Variants in MSRA observed in about 807,000 individuals in gnomAD.
MSRA encodes the protein mitochondrial peptide methionine sulfoxide reductase.
Under a neutral mutation model 31.3 loss-of-function variants are expected in MSRA, and 54 were observed. The observed-to-expected ratio is 1.73, with a 90% CI of 1.39 to 2.17. MSRA has a LOEUF of 2.17. Among genes scored for constraint, MSRA ranks in the 30% most tolerant of loss-of-function variants. The pLI is 0.00. For synonymous variants in MSRA, 169 were observed against 116.5 expected (o/e 1.45, Z -2.90); for missense variants, 507 against 300.9 (o/e 1.69, Z -5.07).
chr8:10,428,043 C>G, intron 5 of MSRA, 105 bp from the exon 6 acceptor site: 1 of 1,294,234 alleles, frequency 7.7e-7, no homozygotes, highest in Non-Finnish European at 1.0e-6. Context: ...CTGCACATCC[C>G]AAGCCACGCG....
chr8:10,164,029 C>G (rs1469152947), intron 1 of MSRA, among the ~76,000 whole-genome samples: 2 of 152,244 alleles, frequency 1.3e-5, no homozygotes, highest in African/African-American at 4.8e-5. Context: ...CCTGTCTTAT[C>G]TTGTACTTGA....
At chr8:10,058,753 ACTGT>A (rs762274753) in intron 1 of MSRA, among the ~76,000 whole-genome samples, 8 of 152,230 alleles carry the variant, frequency 5.3e-5, no homozygotes, top group Non-Finnish European at 8.8e-5. Flanking sequence ...TACAGTGTGC[ACTGT>A]TAGCAAAATT....
chr8:10,143,707 C>G (rs528102916), intron 1 of MSRA, among the ~76,000 whole-genome samples: 15 of 152,106 alleles, frequency 9.9e-5, no homozygotes, highest in Non-Finnish European at 1.9e-4. Flanking sequence ...GAATTCCAAG[C>G]AAGAGGGCCA....
intron 1 of MSRA, among the ~76,000 whole-genome samples, chr8:10,097,639 T>G (rs1799266148): frequency 6.6e-6 from 1 of 152,194 alleles, no homozygotes; most frequent in Non-Finnish European, 1.5e-5. Flanking sequence ...TATAACTTAT[T>G]TAATTTTTAA....
chr8:10,315,611 A>G (rs541865519), intron 4 of MSRA, among the ~76,000 whole-genome samples: 15 of 152,318 alleles, frequency 9.8e-5, no homozygotes, highest in African/African-American at 3.6e-4. Context: ...TATGAACACT[A>G]TCCATGATGG....
At chr8:10,094,600 C>G (rs551040289) in intron 1 of MSRA, among the ~76,000 whole-genome samples, 3 of 152,310 alleles carry the variant, frequency 2.0e-5, no homozygotes, top group Admixed American at 2.0e-4. Flanking sequence ...GTGGCAGAAT[C>G]AAGGACTAGA....
chr8:10,162,112 G>A (rs1396588299), intron 1 of MSRA, among the ~76,000 whole-genome samples: 1 of 152,200 alleles, frequency 6.6e-6, no homozygotes, highest in African/African-American at 2.4e-5. Context: ...TGATTAGAGA[G>A]AATAAACAAA....
chr8:10,365,004 T>C lies in MSRA; in HGVS notation c.543+45015T>C, dbSNP rs554836733. Among the ~76,000 whole-genome samples the C allele has an allele frequency of 3.3e-4, 51 of 152,276 alleles. 1 individual carries two copies. Among genetic ancestry groups the C allele is most frequent in the African/African-American group, 1.2e-3 (51 of 41,554 alleles). On this transcript the variant is annotated intron_variant, in intron 5 of 5. Coordinates refer to ENST00000317173, the MANE Select transcript of MSRA (RefSeq NM_012331.5). ...TCTCGCTTATATAACACATTTGATA[T>C]TCTCTTTATCTGCTTTGTCCCCACC...
At chr8:10,146,368 G>A (rs899790687) in intron 1 of MSRA, among the ~76,000 whole-genome samples, 2 of 152,216 alleles carry the variant, frequency 1.3e-5, no homozygotes, top group African/African-American at 2.4e-5. Context: ...CCAGAAGGGT[G>A]AAACTGTGAG....
chr8:10,306,787 A>G (rs1012636536), intron 4 of MSRA, among the ~76,000 whole-genome samples: 1 of 152,190 alleles, frequency 6.6e-6, no homozygotes, highest in Non-Finnish European at 1.5e-5. Flanking sequence ...GAGCCAAGCC[A>G]CAGGTACACC....
intron 3 of MSRA, among the ~76,000 whole-genome samples, chr8:10,286,972 G>C (rs1385904870): frequency 6.6e-6 from 1 of 152,230 alleles, no homozygotes; most frequent in Admixed American, 6.5e-5. Context: ...GACTCAGAGA[G>C]GTTAAGCGAT....
intron 2 of MSRA, among the ~76,000 whole-genome samples, chr8:10,220,079 C>T (rs1810362596): frequency 2.6e-5 from 4 of 151,940 alleles, no homozygotes; most frequent in Admixed American, 2.0e-4. Flanking sequence ...GATGCAAGAA[C>T]CTGTGAACTT....
intron 1 of MSRA, among the ~76,000 whole-genome samples, chr8:10,111,504 C>G (rs972289947): frequency 1.3e-5 from 2 of 152,122 alleles, no homozygotes. Context: ...CTTCTTCACT[C>G]CTGCAGTAAG....
intron 1 of MSRA, among the ~76,000 whole-genome samples, chr8:10,056,115 C>G (rs535474933): frequency 7.0e-6 from 1 of 141,890 alleles, no homozygotes; most frequent in East Asian, 2.2e-4. Context: ...AAAGGCGATA[C>G]TTTTCAAATG....
At chr8:10,208,387 C>T (rs906759855) in intron 2 of MSRA, among the ~76,000 whole-genome samples, 2 of 152,126 alleles carry the variant, frequency 1.3e-5, no homozygotes, top group Non-Finnish European at 2.9e-5. Context: ...AAAGGCCAAT[C>T]CCTGAGTGAT....
intron 1 of MSRA, among the ~76,000 whole-genome samples, chr8:10,058,094 A>G (rs1193191642): frequency 1.3e-5 from 2 of 152,226 alleles, no homozygotes; most frequent in Non-Finnish European, 2.9e-5. Context: ...TTGCGTTTAC[A>G]TTCTTAGTGT....
chr8:10,186,535 C>T (rs1158251136), intron 1 of MSRA, among the ~76,000 whole-genome samples: 1 of 152,154 alleles, frequency 6.6e-6, no homozygotes, highest in East Asian at 1.9e-4. Flanking sequence ...AAACAGGAGG[C>T]AGGCTGGATA....
chr8:10,295,675 G>C (rs533396231), intron 3 of MSRA, among the ~76,000 whole-genome samples: 31 of 152,310 alleles, frequency 2.0e-4, no homozygotes, highest in Non-Finnish European at 2.6e-4. Flanking sequence ...CATGTTCCAT[G>C]ATGCTGGCAG....
chr8:10,263,873 C>G (rs1798608136), intron 3 of MSRA, among the ~76,000 whole-genome samples: 1 of 152,174 alleles, frequency 6.6e-6, no homozygotes, highest in African/African-American at 2.4e-5. Context: ...AGATACAGAA[C>G]ACATTACAAA....
Sources: gnomAD v4.1 joint callset for allele counts (sites outside exome capture counted in the v4.1 genomes callset) on GRCh38, gnomAD v4.1.1 for gene constraint, MANE v1.5 for transcripts, NCBI Gene and HGNC (gene_info 2026-07-23, HGNC 2026-07-21) for gene names.